AGBL1: variants seen among roughly 807,000 people sequenced by gnomAD.
AGBL1 encodes cytosolic carboxypeptidase 4.
AGBL1 carries 130 observed loss-of-function variants against 118.9 expected under a neutral mutation model. That is an observed-to-expected ratio of 1.09 (90% CI 0.95 to 1.26). AGBL1 has a LOEUF of 1.26. AGBL1 is among the 50% of genes most tolerant of loss of function. The pLI, the probability that AGBL1 is intolerant of heterozygous loss-of-function variation, is 0.00. For missense variants in AGBL1, 1,584 were observed against 1,298.1 expected (o/e 1.22, Z -3.38); for synonymous variants, 555 against 478.9 (o/e 1.16, Z -2.08).
intron 17 of AGBL1, among the ~76,000 whole-genome samples, chr15:86,364,366 C>T (rs766071756): frequency 1.3e-5 from 2 of 152,138 alleles, no homozygotes; most frequent in Admixed American, 1.3e-4. Context: ...TTGATAGTTA[C>T]ATTAATTATG....
intron 22 of AGBL1, among the ~76,000 whole-genome samples, chr15:86,841,209 CA>C (rs2079240311): frequency 6.6e-6 from 1 of 152,114 alleles, no homozygotes; most frequent in Non-Finnish European, 1.5e-5. Flanking sequence ...GTTGACCAAA[CA>C]GATAAAATAC....
rs1472725670 is a variant in AGBL1 at position 86,912,625 on chromosome 15, A to G, written c.*5331A>G. On this transcript the variant is annotated 3_prime_UTR_variant, in exon 23 of 23. Coordinates refer to ENST00000614907, the MANE Select transcript of AGBL1 (RefSeq NM_001386094.1). ...AAGGAAGGTCATATTACACCCTTTC[A>G]TTTATCAGCCTGGAAAATGGTGCCG... is the stretch of plus-strand genomic sequence containing the variant. The G allele has an allele frequency of 2.0e-5, 3 of 152,114 alleles. No homozygotes were observed. 9.4% of individuals were successfully genotyped at this position (152,114 alleles called of 1,614,324 possible). A position where few individuals can be genotyped will look rare whatever the true frequency, so the allele number is the denominator to read the frequency against.
At chr15:86,451,198 T>A (rs188303285) in intron 18 of AGBL1, among the ~76,000 whole-genome samples, 1 of 140,474 alleles carries the variant, frequency 7.1e-6, no homozygotes, top group East Asian at 1.9e-4. Flanking sequence ...TTTCAGCATG[T>A]GTGACTTTCT....
rs149389882 is a variant in AGBL1, at chr15:86,084,269, T to C, written c.51+4246T>C. On this transcript the variant is annotated intron_variant, in intron 1 of 22. Coordinates refer to ENST00000614907, the MANE Select transcript of AGBL1 (RefSeq NM_001386094.1). ...TAAGTGGGGAGAACTCTTTATTTGG[T>C]GTTTTGTTTTTTAAGACCTCATTAC... Among the ~76,000 whole-genome samples the C allele has an allele frequency of 7.8e-4, 119 of 152,256 alleles. 1 individual carries two copies. The highest frequency in any genetic ancestry group is 2.7e-3 in the African/African-American group (112 of 41,548).
intron 5 of AGBL1, among the ~76,000 whole-genome samples, chr15:86,160,964 G>C (rs1156564484): frequency 2.0e-5 from 3 of 152,120 alleles, no homozygotes; most frequent in Non-Finnish European, 4.4e-5. Flanking sequence ...AATCAACAAA[G>C]CATAGAAACC....
At chr15:86,695,566 G>T (rs1002593608) in intron 22 of AGBL1, among the ~76,000 whole-genome samples, 1 of 151,484 alleles carries the variant, frequency 6.6e-6, no homozygotes, top group East Asian at 1.9e-4. Context: ...ATTTATTTTT[G>T]TATTGTATTT....
At chr15:86,087,504 T>A (rs1895741866) in intron 1 of AGBL1, among the ~76,000 whole-genome samples, 1 of 152,140 alleles carries the variant, frequency 6.6e-6, no homozygotes, top group African/African-American at 2.4e-5. Flanking sequence ...AATTTTTGTA[T>A]TTTTAGTAGA....
chr15:86,255,330 C>T (rs765801793), intron 7 of AGBL1, among the ~76,000 whole-genome samples: 10 of 152,198 alleles, frequency 6.6e-5, no homozygotes, highest in South Asian at 2.1e-4. Flanking sequence ...TCATTAGCCT[C>T]CATAATGAAT....
At chr15:86,214,409 T>C (rs1450384423) in intron 5 of AGBL1, among the ~76,000 whole-genome samples, 1 of 152,252 alleles carries the variant, frequency 6.6e-6, no homozygotes, top group Non-Finnish European at 1.5e-5. Flanking sequence ...TTTGCATATA[T>C]ATGCTTAATT....
chr15:86,095,395 C>T (rs1427611720), intron 1 of AGBL1, among the ~76,000 whole-genome samples: 1 of 152,038 alleles, frequency 6.6e-6, no homozygotes, highest in African/African-American at 2.4e-5. Flanking sequence ...AACCAGAGTC[C>T]ATCCTGAATC....
At chr15:86,592,207 T>C (rs1248412092) in intron 21 of AGBL1, among the ~76,000 whole-genome samples, 1 of 152,188 alleles carries the variant, frequency 6.6e-6, no homozygotes, top group Non-Finnish European at 1.5e-5. Context: ...GGGGAAATAC[T>C]CTGGGGCCAC....
At chr15:86,722,191 A>G (rs545120951) in intron 22 of AGBL1, among the ~76,000 whole-genome samples, 6 of 152,348 alleles carry the variant, frequency 3.9e-5, no homozygotes, top group Non-Finnish European at 7.3e-5. Context: ...GAGAGCCCGC[A>G]TTGCCAAGTC....
At chr15:86,574,818 C>T (rs2084062341) in intron 21 of AGBL1, among the ~76,000 whole-genome samples, 1 of 151,102 alleles carries the variant, frequency 6.6e-6, no homozygotes, top group Non-Finnish European at 1.5e-5. Context: ...CCTCAAGTGA[C>T]CTACCGTCCT....
intron 16 of AGBL1, among the ~76,000 whole-genome samples, chr15:86,288,828 T>A (rs1220617059): frequency 6.6e-6 from 1 of 152,184 alleles, no homozygotes; most frequent in Non-Finnish European, 1.5e-5. Context: ...GAATTTTTTC[T>A]CTTTCTGCTG....
intron 18 of AGBL1, among the ~76,000 whole-genome samples, chr15:86,403,169 G>C (rs993865628): frequency 1.3e-4 from 20 of 152,158 alleles, no homozygotes; most frequent in Admixed American, 1.2e-3. Context: ...GGGTGAGGGA[G>C]AGGATAAGTC....
chr15:86,903,367 C>G (rs1393771594), intron 22 of AGBL1, among the ~76,000 whole-genome samples: 1 of 151,804 alleles, frequency 6.6e-6, no homozygotes, highest in East Asian at 1.9e-4. Flanking sequence ...TTTATTTTCC[C>G]TACCTTTTTT....
intron 22 of AGBL1, among the ~76,000 whole-genome samples, chr15:86,683,732 C>T (rs147099588): frequency 2.6e-4 from 39 of 152,298 alleles, no homozygotes; most frequent in Non-Finnish European, 5.0e-4. Context: ...CTCTCTATAG[C>T]AACTGCAGCC....
At chr15:86,282,150 T>C (rs755886165) in intron 16 of AGBL1, among the ~76,000 whole-genome samples, 80 of 151,976 alleles carry the variant, frequency 5.3e-4, no homozygotes, top group Non-Finnish European at 8.7e-4. Context: ...GGGTCTAAAA[T>C]TTGCAATTGA....
intron 22 of AGBL1, among the ~76,000 whole-genome samples, chr15:86,863,285 T>A (rs1238226105): frequency 6.6e-6 from 1 of 152,220 alleles, no homozygotes; most frequent in Non-Finnish European, 1.5e-5. Context: ...TATGAACATT[T>A]GACATTCACC....
Sources: allele counts gnomAD v4.1 joint callset (sites outside exome capture counted in the v4.1 genomes callset), GRCh38; gene constraint gnomAD v4.1.1; transcripts MANE v1.5; gene names NCBI Gene and HGNC (gene_info 2026-07-23, HGNC 2026-07-21).